RGS6: variants seen among roughly 807,000 people sequenced by gnomAD.
RGS6 encodes the protein regulator of G-protein signaling 6.
Under a neutral mutation model 78.5 loss-of-function variants are expected in RGS6, and 30 were observed. The ratio of observed to expected loss-of-function variants is 0.38; its 90% CI spans 0.29 to 0.52. The LOEUF (loss-of-function observed/expected upper bound fraction) is 0.52. Ranked by LOEUF, RGS6 falls within the 20% of genes least tolerant of loss-of-function variation. The pLI is 0.85. For missense variants in RGS6, 495 were observed against 609.7 expected (o/e 0.81, Z 1.98); for synonymous variants, 206 against 206.0 (o/e 1.00, Z 0.00).
chr14:72,472,697 G>A (rs1198982957), intron 8 of RGS6, among the ~76,000 whole-genome samples, 175 bp from the exon 9 acceptor site: 1 of 151,154 alleles, frequency 6.6e-6, no homozygotes, highest in African/African-American at 2.4e-5. Context: ...TGAGGTTTTC[G>A]GGGGGGGAAT....
chr14:71,902,481 T>C, the RGS6 span, among the ~76,000 whole-genome samples: 3 of 152,140 alleles, frequency 2.0e-5, no homozygotes, highest in Non-Finnish European at 4.4e-5. Flanking sequence ...CATTTTATAT[T>C]TCATCAGTAC....
chr14:72,126,562 T>G (rs1482924220), intron 2 of RGS6, among the ~76,000 whole-genome samples: 1 of 152,260 alleles, frequency 6.6e-6, no homozygotes, highest in Non-Finnish European at 1.5e-5. Context: ...CCTTGGACAT[T>G]GTGAGCATTT....
At chr14:72,207,087 A>G (rs1423585385) in intron 2 of RGS6, among the ~76,000 whole-genome samples, 1 of 152,172 alleles carries the variant, frequency 6.6e-6, no homozygotes, top group East Asian at 1.9e-4. Context: ...ACTCATAGAC[A>G]TAACATATTT....
rs147150838 is a variant in RGS6, at chr14:72,050,685, G to A, written c.84+85810G>A. 2.4e-3 allele frequency among the ~76,000 whole-genome samples: 366 copies of A among 152,300 alleles called. 3 individuals are homozygous for A. The highest frequency in any genetic ancestry group is 8.4e-3 in the African/African-American group (349 of 41,556). On this transcript the variant is annotated intron_variant, in intron 2 of 17. Transcript: ENST00000553525. ...TCCTCTAGCAGGGAATCAATATACC[G>A]TTGACCCTTGAACAACACGGGTTTG...
chr14:71,943,400 A>G (rs971588778), intron 1 of RGS6, among the ~76,000 whole-genome samples: 1 of 152,124 alleles, frequency 6.6e-6, no homozygotes, highest in Non-Finnish European at 1.5e-5. Context: ...GTTTTCTAAT[A>G]ATTTTTAGAG....
At chr14:72,322,527 C>T (rs2072378800) in intron 2 of RGS6, among the ~76,000 whole-genome samples, 1 of 152,042 alleles carries the variant, frequency 6.6e-6, no homozygotes, top group Admixed American at 6.5e-5. Context: ...CAAGTGAAAG[C>T]ATCCAGGTTA....
At position 72,345,403 on chromosome 14, in the gene RGS6, G is replaced by A. The variant is rs531220830; in HGVS notation, c.85-6692G>A. 2.6e-5 allele frequency among the ~76,000 whole-genome samples: 4 copies of A among 152,304 alleles called. No homozygotes were observed. In the East Asian group the frequency reaches 7.7e-4, roughly 29 times the overall value. On this transcript the variant is annotated intron_variant, in intron 2 of 17. Coordinates refer to ENST00000553525, the MANE Select transcript of RGS6 (RefSeq NM_001204424.2). ...AAACAGATACAGTGATTCAAACATA[G>A]GCTTAGCCGAAAACAAATTAATAGG... is the stretch of plus-strand genomic sequence containing the variant.
intron 2 of RGS6, among the ~76,000 whole-genome samples, chr14:72,027,585 T>C (rs540726274): frequency 8.5e-5 from 13 of 152,150 alleles, no homozygotes; most frequent in Non-Finnish European, 1.8e-4. Context: ...AAAAGCGTGA[T>C]TCTGGAGAGG....
chr14:71,925,783 T>C, the RGS6 span, among the ~76,000 whole-genome samples: 1 of 147,728 alleles, frequency 6.8e-6, no homozygotes, highest in African/African-American at 2.6e-5. Flanking sequence ...TTGGCCTTTT[T>C]GTCTGTTTTT....
At chr14:72,143,545 G>A (rs2096569326) in intron 2 of RGS6, among the ~76,000 whole-genome samples, 2 of 152,262 alleles carry the variant, frequency 1.3e-5, no homozygotes, top group South Asian at 4.1e-4. Context: ...TAGGGATTGT[G>A]GGCCATTGTT....
At chr14:72,258,571 G>A (rs1366255412) in intron 2 of RGS6, among the ~76,000 whole-genome samples, 1 of 152,192 alleles carries the variant, frequency 6.6e-6, no homozygotes, top group Non-Finnish European at 1.5e-5. Context: ...AGACTGTATT[G>A]TTTGTTTTTA....
At chr14:72,041,912 G>C (rs957960028) in intron 2 of RGS6, among the ~76,000 whole-genome samples, 15 of 151,964 alleles carry the variant, frequency 9.9e-5, no homozygotes, top group Non-Finnish European at 1.2e-4. Context: ...CATTGTATTG[G>C]GGGGTCAGTA....
chr14:72,330,178 G>A (rs537762891), intron 2 of RGS6, among the ~76,000 whole-genome samples: 8 of 152,264 alleles, frequency 5.3e-5, no homozygotes, highest in South Asian at 2.1e-4. Context: ...GAAACCTTCC[G>A]GTCCAGTTCT....
In RGS6 at chr14:72,278,394, A is replaced by G. The variant is rs1304284164; in HGVS notation, c.85-73701A>G. Among the ~76,000 whole-genome samples the G allele has an allele frequency of 2.0e-5, 3 of 152,154 alleles. No individual in the cohort carries two copies. In the East Asian group the frequency reaches 5.8e-4, roughly 29 times the overall value. Reference sequence around the variant, plus strand: ...AGGATGTCAAGAGCAGACTTAGCTGACCTCACTTTGCTTTGGGCTTGCTTT... The same window carrying G: ...AGGATGTCAAGAGCAGACTTAGCTGGCCTCACTTTGCTTTGGGCTTGCTTT... On this transcript the variant is annotated intron_variant, in intron 2 of 17. Transcript: ENST00000553525.
At chr14:72,316,888 G>T (rs961255013) in intron 2 of RGS6, among the ~76,000 whole-genome samples, 1 of 136,226 alleles carries the variant, frequency 7.3e-6, no homozygotes, top group African/African-American at 2.8e-5. Flanking sequence ...AGAATTGAAA[G>T]CAGGTGAAGT....
intron 2 of RGS6, among the ~76,000 whole-genome samples, chr14:72,118,634 G>A (rs985152423): frequency 6.6e-6 from 1 of 152,184 alleles, no homozygotes; most frequent in Non-Finnish European, 1.5e-5. Context: ...GTCATTACAG[G>A]GTCATAGCCC....
the RGS6 span, among the ~76,000 whole-genome samples, chr14:72,612,116 G>A: frequency 2.5e-4 from 38 of 152,276 alleles, no homozygotes; most frequent in African/African-American, 8.2e-4. Context: ...CAAAAGATGG[G>A]TTCATTTTCC....
intron 3 of RGS6, among the ~76,000 whole-genome samples, chr14:72,443,513 A>C (rs1215350730): frequency 6.6e-6 from 1 of 152,220 alleles, no homozygotes; most frequent in Non-Finnish European, 1.5e-5. Flanking sequence ...CCTGGTGAGT[A>C]ACTATGGCCT....
At chr14:72,451,764 T>C (rs1284006465) in intron 3 of RGS6, among the ~76,000 whole-genome samples, 2 of 152,076 alleles carry the variant, frequency 1.3e-5, no homozygotes, top group Non-Finnish European at 2.9e-5. Flanking sequence ...ATTTTTTTTT[T>C]CTTTTTTGAG....
Sources: allele counts gnomAD v4.1 joint callset (sites outside exome capture counted in the v4.1 genomes callset), GRCh38; gene constraint gnomAD v4.1.1; transcripts MANE v1.5; gene names NCBI Gene and HGNC (gene_info 2026-07-23, HGNC 2026-07-21).